Variants in VPS35L observed in about 807,000 individuals in gnomAD.
The protein encoded by VPS35L is VPS35 endosomal protein sorting factor like.
VPS35L carries 83 observed loss-of-function variants against 133.0 expected under a neutral mutation model. The observed-to-expected ratio is 0.62, with a 90% CI of 0.52 to 0.75. The LOEUF (loss-of-function observed/expected upper bound fraction) is 0.75. VPS35L is among the 30% of genes least tolerant of loss of function. VPS35L has a pLI of 0.00. For synonymous variants in VPS35L, 423 were observed against 449.9 expected (o/e 0.94, Z 0.76); for missense variants, 1,083 against 1,206.8 (o/e 0.90, Z 1.52).
In VPS35L at chr16:19,682,409, C is replaced by A; in HGVS notation, c.2527+19C>A. On this transcript the variant is annotated intron_variant, in intron 28 of 30. Coordinates refer to ENST00000417362, the MANE Select transcript of VPS35L (RefSeq NM_020314.7). The stretch of plus-strand genomic sequence containing the variant: ...GACAAAGGTAGCAGAGCCTCCCCCA[C>A]CAAACCATGCTCCGCATGGATTTCA... The A allele has an allele frequency of 6.2e-7, 1 of 1,609,844 alleles. No individual in the cohort carries two copies. The highest frequency in any genetic ancestry group is 8.5e-7 in the Non-Finnish European group (1 of 1,176,968).
At chr16:19,602,126 G>C (rs914565970) in intron 9 of VPS35L, among the ~76,000 whole-genome samples, 2 of 152,120 alleles carry the variant, frequency 1.3e-5, no homozygotes, top group African/African-American at 2.4e-5. Context: ...AGTAATTGAT[G>C]CTTTGAATTC....
intron 18 of VPS35L, among the ~76,000 whole-genome samples, chr16:19,631,958 ATT>A (rs35363007): frequency 4.0e-5 from 6 of 150,764 alleles, no homozygotes; most frequent in African/African-American, 9.8e-5. Context: ...AAAGTTACTA[ATT>A]TTTTTTTTCT....
In VPS35L at chr16:19,577,575, T is replaced by C. The variant is rs377239775; in HGVS notation, c.434-1477T>C. Among the ~76,000 whole-genome samples the C allele has an allele frequency of 5.8e-4, 89 of 152,324 alleles. 1 individual carries two copies. The South Asian group carries it at 0.018, about 31-fold the overall frequency. On this transcript the variant is annotated intron_variant, in intron 5 of 30. Transcript: ENST00000417362. Reference sequence around the variant, plus strand: ...GCACAACCACCTTGTAGAACACTTTTGCATTTTTTATTTTATTTGAAGACA... The same window carrying C: ...GCACAACCACCTTGTAGAACACTTTCGCATTTTTTATTTTATTTGAAGACA...
intron 12 of VPS35L, among the ~76,000 whole-genome samples, chr16:19,614,754 G>A (rs1465384838): frequency 6.6e-6 from 1 of 152,178 alleles, no homozygotes; most frequent in Non-Finnish European, 1.5e-5. Context: ...TGGAAACGAA[G>A]CATTTCTGAG....
intron 26 of VPS35L, among the ~76,000 whole-genome samples, chr16:19,666,576 C>T (rs1416416109): frequency 1.3e-5 from 2 of 152,142 alleles, no homozygotes; most frequent in African/African-American, 2.4e-5. Flanking sequence ...ATTTTAGCTC[C>T]GTCCTTTAGA....
intron 26 of VPS35L, among the ~76,000 whole-genome samples, chr16:19,654,798 A>G (rs1974247354): frequency 6.6e-6 from 1 of 152,198 alleles, no homozygotes; most frequent in Non-Finnish European, 1.5e-5. Context: ...TACCAAAGCT[A>G]TGACACCACT....
intron 9 of VPS35L, 35 bp from the exon 10 acceptor site, chr16:19,608,142 TA>T: frequency 6.6e-7 from 1 of 1,505,524 alleles, no homozygotes. Context: ...TCCTGAGATT[TA>T]GGAGGGCTGA....
At chr16:19,632,570 T>G (rs111755241) in intron 18 of VPS35L, among the ~76,000 whole-genome samples, 30 of 152,374 alleles carry the variant, frequency 2.0e-4, no homozygotes, top group African/African-American at 7.2e-4. Context: ...CTTTTGTATT[T>G]TCTATAAATC....
At chr16:19,693,344 C>T (rs1975769283) in intron 29 of VPS35L, among the ~76,000 whole-genome samples, 1 of 152,020 alleles carries the variant, frequency 6.6e-6, no homozygotes, top group African/African-American at 2.4e-5. Context: ...AAGATAGATA[C>T]AGTTAGAAGG....
intron 26 of VPS35L, among the ~76,000 whole-genome samples, chr16:19,662,393 C>G (rs951915551): frequency 1.3e-5 from 2 of 152,084 alleles, no homozygotes; most frequent in African/African-American, 2.4e-5. Flanking sequence ...GACCTGCAGA[C>G]CCTGACCCAG....
chr16:19,678,285 C>T (rs1051374556), intron 27 of VPS35L, among the ~76,000 whole-genome samples: 9 of 152,052 alleles, frequency 5.9e-5, no homozygotes, highest in Non-Finnish European at 1.2e-4. Context: ...GGTCTGAGCC[C>T]CTGCCAGGTG....
chr16:19,652,239 C>T (rs1480124314), intron 26 of VPS35L, 149 bp downstream of exon 26: 3 of 631,644 alleles, frequency 4.7e-6, no homozygotes, highest in Non-Finnish European at 5.6e-6. Context: ...TGTAGTAGTG[C>T]AATCATAGTT....
intron 1 of VPS35L, among the ~76,000 whole-genome samples, chr16:19,559,489 C>G (rs1970960721): frequency 6.6e-6 from 1 of 151,986 alleles, no homozygotes; most frequent in Non-Finnish European, 1.5e-5. Context: ...ACTATGTTAG[C>G]AAAAAGAAAA....
chr16:19,691,127 G>A (rs533887811), intron 28 of VPS35L, among the ~76,000 whole-genome samples: 4 of 152,322 alleles, frequency 2.6e-5, no homozygotes, highest in Non-Finnish European at 5.9e-5. Flanking sequence ...ACATGGGCTA[G>A]AGGGGTGACT....
intron 26 of VPS35L, among the ~76,000 whole-genome samples, chr16:19,664,385 G>A (rs774473661): frequency 4.6e-5 from 7 of 151,860 alleles, no homozygotes; most frequent in Non-Finnish European, 8.8e-5. Context: ...CGTGAGATGC[G>A]TCAATTGCTG....
At chr16:19,602,238 G>T (rs768928225) in intron 9 of VPS35L, among the ~76,000 whole-genome samples, 1 of 151,894 alleles carries the variant, frequency 6.6e-6, no homozygotes, top group Non-Finnish European at 1.5e-5. Context: ...TTCTTTTGTC[G>T]TATAAATGGT....
In VPS35L at chr16:19,607,309, GC is replaced by G. The variant is rs369822813; in HGVS notation, c.785-868del. Among the ~76,000 whole-genome samples the G allele has an allele frequency of 2.2e-4, 34 of 152,320 alleles. 1 individual carries two copies. Among genetic ancestry groups the G allele is most frequent in the African/African-American group, 7.7e-4 (32 of 41,568 alleles). ...TCTTGTTGCTCTCATGGTCAGTATGGCTGCAGAGGTTCCAGCTGTCATGTCT... is the reference window on the plus strand; with the variant it reads ...TCTTGTTGCTCTCATGGTCAGTATGGTGCAGAGGTTCCAGCTGTCATGTCT... On this transcript the variant is annotated intron_variant, in intron 9 of 30. Coordinates refer to ENST00000417362, the MANE Select transcript of VPS35L (RefSeq NM_020314.7).
intron 26 of VPS35L, among the ~76,000 whole-genome samples, chr16:19,660,563 A>G (rs114309732): frequency 0.01 from 1,566 of 152,212 alleles, 31 homozygotes; most frequent in African/African-American, 0.036. Context: ...TGCATTATTG[A>G]AAAAAAGCAA....
rs1207039943 is a variant in VPS35L, at chr16:19,616,820, G to A, written c.1224+12G>A. 9 of 1,614,160 alleles carry A rather than the reference G, an allele frequency of 5.6e-6. No homozygotes were observed. Among genetic ancestry groups the A allele is most frequent in the Non-Finnish European group, 7.6e-6 (9 of 1,180,038 alleles). ...ACCATGCCCCCGAGGTAACTGCCAGGTGGCTTCAGTGTGACGCTCACCTCC... is the reference window on the plus strand; with the variant it reads ...ACCATGCCCCCGAGGTAACTGCCAGATGGCTTCAGTGTGACGCTCACCTCC... On this transcript the variant is annotated intron_variant, in intron 14 of 30. Coordinates refer to ENST00000417362, the MANE Select transcript of VPS35L (RefSeq NM_020314.7).
Sources: allele counts gnomAD v4.1 joint callset (sites outside exome capture counted in the v4.1 genomes callset), GRCh38; gene constraint gnomAD v4.1.1; transcripts MANE v1.5; gene names NCBI Gene and HGNC (gene_info 2026-07-23, HGNC 2026-07-21).